ENTREP2: variants seen among roughly 807,000 people sequenced by gnomAD.
The protein encoded by ENTREP2 is endosomal transmembrane epsin interactor 2.
At chr15:29,333,031 G>C in the ENTREP2 span, among the ~76,000 whole-genome samples, 3 of 150,822 alleles carry the variant, frequency 2.0e-5, no homozygotes, top group South Asian at 6.3e-4. Flanking sequence ...ATTCTAATTA[G>C]AGCACATGGG....
At chr15:29,128,589 C>CAG in the ENTREP2 span, among the ~76,000 whole-genome samples, 1 of 152,002 alleles carries the variant, frequency 6.6e-6, no homozygotes, top group Non-Finnish European at 1.5e-5. Context: ...GTAGTGGATG[C>CAG]AGACACAGGA....
the ENTREP2 span, among the ~76,000 whole-genome samples, chr15:29,383,607 C>A: frequency 0.06 from 9,196 of 152,212 alleles, 373 homozygotes; most frequent in African/African-American, 0.087. Context: ...AAGCACTGGC[C>A]AGACCCGGGA....
chr15:29,519,219 T>C, the ENTREP2 span, among the ~76,000 whole-genome samples: 8 of 151,378 alleles, frequency 5.3e-5, no homozygotes, highest in East Asian at 1.6e-3. Context: ...TAAGCTAAAG[T>C]TGGGAGCTCA....
chr15:29,144,488 G>A, the ENTREP2 span, among the ~76,000 whole-genome samples: 2 of 152,154 alleles, frequency 1.3e-5, no homozygotes, highest in Admixed American at 1.3e-4. Flanking sequence ...AAGCACTTGG[G>A]GAGCCCAAGG....
the ENTREP2 span, among the ~76,000 whole-genome samples, chr15:29,629,896 C>A: frequency 6.6e-6 from 1 of 152,144 alleles, no homozygotes; most frequent in Non-Finnish European, 1.5e-5. Context: ...GCAGGTGGAT[C>A]ACTTGGGGCC....
chr15:29,586,432 G>A, the ENTREP2 span, among the ~76,000 whole-genome samples: 46 of 152,248 alleles, frequency 3.0e-4, no homozygotes, highest in African/African-American at 1.1e-3. Flanking sequence ...AATGAATTGC[G>A]TACACTTTAA....
At chr15:29,195,366 C>G in the ENTREP2 span, 9 of 975,364 alleles carry the variant, frequency 9.2e-6, no homozygotes, top group Non-Finnish European at 1.1e-5. Context: ...AAGGTCAACG[C>G]TTTCCTCCTC....
the ENTREP2 span, among the ~76,000 whole-genome samples, chr15:29,235,343 G>A: frequency 2.0e-5 from 3 of 152,030 alleles, no homozygotes; most frequent in African/African-American, 7.2e-5. Context: ...TTTTTTTGCT[G>A]TAAGATATCT....
At chr15:29,246,358 C>A in the ENTREP2 span, among the ~76,000 whole-genome samples, 1 of 144,758 alleles carries the variant, frequency 6.9e-6, no homozygotes, top group African/African-American at 2.6e-5. Context: ...CACCACTGCA[C>A]TCCAGCCTAA....
the ENTREP2 span, among the ~76,000 whole-genome samples, chr15:29,177,109 G>A: frequency 6.6e-6 from 1 of 152,200 alleles, no homozygotes; most frequent in Admixed American, 6.5e-5. Context: ...AGCAGCTAGG[G>A]GTGGTGGTGA....
At chr15:29,362,207 T>A in the ENTREP2 span, among the ~76,000 whole-genome samples, 1 of 152,042 alleles carries the variant, frequency 6.6e-6, no homozygotes, top group Non-Finnish European at 1.5e-5. Context: ...GCTATGAGAA[T>A]AACTCACTCT....
the ENTREP2 span, among the ~76,000 whole-genome samples, chr15:29,412,313 A>G: frequency 6.6e-6 from 1 of 152,114 alleles, no homozygotes; most frequent in African/African-American, 2.4e-5. Context: ...ATATAGTTCT[A>G]AGTTCCTTAT....
chr15:29,133,854 A>G, the ENTREP2 span, among the ~76,000 whole-genome samples: 1 of 152,170 alleles, frequency 6.6e-6, no homozygotes, highest in Non-Finnish European at 1.5e-5. Context: ...CCACACCCAG[A>G]CAGGTCAACA....
chr15:29,524,678 C>T, the ENTREP2 span, among the ~76,000 whole-genome samples: 2 of 152,332 alleles, frequency 1.3e-5, no homozygotes, highest in Admixed American at 1.3e-4. Flanking sequence ...CAGCAATGGG[C>T]GCCTCGCTGG....
the ENTREP2 span, among the ~76,000 whole-genome samples, chr15:29,456,969 C>T: frequency 1.3e-5 from 2 of 152,242 alleles, no homozygotes; most frequent in Non-Finnish European, 2.9e-5. Flanking sequence ...GTCTGGTCTT[C>T]AAGAGAAATG....
the ENTREP2 span, among the ~76,000 whole-genome samples, chr15:29,342,866 G>C: frequency 1.3e-5 from 2 of 152,116 alleles, no homozygotes; most frequent in Non-Finnish European, 2.9e-5. Flanking sequence ...ATCTGAATTA[G>C]AAATATTTCT....
At chr15:29,630,707 A>T in the ENTREP2 span, among the ~76,000 whole-genome samples, 1 of 152,042 alleles carries the variant, frequency 6.6e-6, no homozygotes, top group African/African-American at 2.4e-5. Context: ...TTAGTTTTTG[A>T]GACACAGTCT....
At chr15:29,214,306 C>T in the ENTREP2 span, among the ~76,000 whole-genome samples, 10,170 of 152,172 alleles carry the variant, frequency 0.067, 1,176 homozygotes, top group African/African-American at 0.23. Flanking sequence ...CCAACAATGA[C>T]AGACTGGATT....
the ENTREP2 span, among the ~76,000 whole-genome samples, chr15:29,629,143 A>G: frequency 6.6e-6 from 1 of 152,186 alleles, no homozygotes; most frequent in Non-Finnish European, 1.5e-5. Context: ...TTGGCATGGC[A>G]TATCTTTTCC....
Sources: allele counts gnomAD v4.1 joint callset (sites outside exome capture counted in the v4.1 genomes callset), GRCh38; gene constraint gnomAD v4.1.1; transcripts MANE v1.5; gene names NCBI Gene and HGNC (gene_info 2026-07-23, HGNC 2026-07-21).